PPP1R14A: variants seen among roughly 807,000 people sequenced by gnomAD.
The protein encoded by PPP1R14A is protein phosphatase 1 regulatory subunit 14A.
In PPP1R14A, 9 loss-of-function variants were observed where a neutral mutation model predicts 14.1. The ratio of observed to expected loss-of-function variants is 0.64; its 90% confidence interval spans 0.38 to 1.11. PPP1R14A has a LOEUF of 1.11. Ranked by LOEUF, PPP1R14A falls within the 50% of genes most tolerant of loss-of-function variation. The pLI is 0.01. For missense variants in PPP1R14A, 208 were observed against 200.7 expected (o/e 1.04, Z -0.22); for synonymous variants, 93 against 88.7 (o/e 1.05, Z -0.27).
In PPP1R14A at chr19:38,256,306, TCAGCACGCGCTTGCC is replaced by T. The variant is rs914600163; in HGVS notation, c.19_33del (p.Gly7_Leu11del). ...GCCCGCGATGGAGACTGCAGCTTGC[TCAGCACGCGCTTGCC>T]CAGCCGCTGAGCTGCCATCGCGCTG... On this transcript the variant is annotated inframe_deletion, in exon 1 of 4. Transcript: ENST00000301242. The surrounding 1 kb of genome is among the most constrained non-coding windows in gnomAD (Gnocchi z 5.7). 242 of 1,529,098 alleles carry T rather than the reference TCAGCACGCGCTTGCC, an allele frequency of 1.6e-4. No homozygotes were observed. The highest frequency in any genetic ancestry group is 2.1e-4 in the Non-Finnish European group (240 of 1,144,322). 94.7% of individuals were successfully genotyped at this position (1,529,098 alleles called of 1,614,324 possible). A position where few individuals can be genotyped will look rare whatever the true frequency, so the allele number is the denominator to read the frequency against.
At chr19:38,251,572 G>C in intron 3 of PPP1R14A, 126 bp from the exon 4 acceptor site, 2 of 651,620 alleles carry the variant, frequency 3.1e-6, no homozygotes, top group South Asian at 4.4e-5. Context: ...GGGAGTTAGG[G>C]GCGGAGGCTA....
rs1968203858 is a variant in PPP1R14A at position 38,252,775 on chromosome 19, T to C, written c.282+119A>G. On this transcript the variant is annotated intron_variant, in intron 2 of 3. Transcript: ENST00000301242. The surrounding 1 kb of genome is among the most constrained non-coding windows in gnomAD (Gnocchi z 4.1). ...TGTGAGGGTTAAGTGAGTGAATACATGTAAAGCCATCACACCAGTGCCCGG... is the reference window on the plus strand; with the variant it reads ...TGTGAGGGTTAAGTGAGTGAATACACGTAAAGCCATCACACCAGTGCCCGG... 2.9e-5 allele frequency: 23 copies of C among 792,406 alleles called. 1 individual carries two copies. The South Asian group carries it at 3.4e-4, about 12-fold the overall frequency. 49.1% of individuals were successfully genotyped at this position (792,406 alleles called of 1,614,324 possible). A position where few individuals can be genotyped will look rare whatever the true frequency, so the allele number is the denominator to read the frequency against.
Position 38,254,205 on chromosome 19 carries a change from C to A in PPP1R14A, c.202-1231G>T, listed in dbSNP as rs117235373. Among the ~76,000 whole-genome samples the A allele has an allele frequency of 2.0e-3, 311 of 152,280 alleles. 8 individuals are homozygous for A. The East Asian group carries it at 0.044, about 21-fold the overall frequency. ...ACAGAAGGCCAGGCGCAGTGGCTCA[C>A]GCCTGTAATCCTGACATTTTGGGAG... On this transcript the variant is annotated intron_variant, in intron 1 of 3. Coordinates refer to ENST00000301242, the MANE Select transcript of PPP1R14A (RefSeq NM_033256.3).
At chr19:38,255,914 T>G (rs973508344) in intron 1 of PPP1R14A, among the ~76,000 whole-genome samples, 1 of 151,848 alleles carries the variant, frequency 6.6e-6, no homozygotes, top group Admixed American at 6.6e-5. Flanking sequence ...GACACATCTC[T>G]GGAGACCCAA....
Position 38,256,207 on chromosome 19 carries a change from C to T in PPP1R14A, c.133G>A (p.Glu45Lys). The T allele has an allele frequency of 6.4e-7, 1 of 1,554,338 alleles. No individual in the cohort carries two copies. Among genetic ancestry groups the T allele is most frequent in the East Asian group, 2.4e-5 (1 of 41,832 alleles). Residue 45 changes from glutamate (E) to lysine (K), a missense_variant, in exon 1 of 4, where the codon GAG becomes AAG. Transcript: ENST00000301242. This position sits in a 1 kb window ranked among gnomAD's most constrained non-coding sequence, Gnocchi z 5.7. ...ARVTVKYDRR[E>K]LQRRLDVEKW... is the part of the protein sequence containing the mutation. The stretch of plus-strand genomic sequence containing the variant: ...TCCACGTCCAGCCGCCGCTGCAGCT[C>T]CCGCCGGTCATACTTGACGGTGACG...
chr19:38,254,337 T>G (rs553596998), intron 1 of PPP1R14A, among the ~76,000 whole-genome samples: 1 of 152,190 alleles, frequency 6.6e-6, no homozygotes, highest in African/African-American at 2.4e-5. Flanking sequence ...CAAAGTCTCC[T>G]TCTGTCACCT....
At chr19:38,251,921 G>T in intron 3 of PPP1R14A, 1 of 357,684 alleles carries the variant, frequency 2.8e-6, no homozygotes, top group South Asian at 5.2e-5. Flanking sequence ...GGGTTGGGCC[G>T]CTCAGCTTCA....
intron 1 of PPP1R14A, 41 bp from the exon 2 acceptor site, chr19:38,253,015 T>TC (rs1385793568): frequency 1.3e-6 from 2 of 1,501,108 alleles, no homozygotes; most frequent in Admixed American, 3.3e-5. Context: ...TCCCCTTCCC[T>TC]CCCTCCCTCG....
chr19:38,255,927 CTT>C (rs1568333700), intron 1 of PPP1R14A, among the ~76,000 whole-genome samples: 2 of 151,418 alleles, frequency 1.3e-5, no homozygotes, highest in African/African-American at 4.9e-5. Context: ...AGACCCAAGT[CTT>C]TGTGTGTTGC....
In PPP1R14A at chr19:38,251,316, G is replaced by T; in HGVS notation, c.*2C>A. Reference sequence around the variant, plus strand: ...CCGGGGGGCAGGGAGAGTGCAAGAGGGTCAGGGGTGAGCAGTCCGGGCCCG... The same window carrying T: ...CCGGGGGGCAGGGAGAGTGCAAGAGTGTCAGGGGTGAGCAGTCCGGGCCCG... On this transcript the variant is annotated 3_prime_UTR_variant, in exon 4 of 4. Coordinates refer to ENST00000301242, the MANE Select transcript of PPP1R14A (RefSeq NM_033256.3). 1 of 1,493,892 alleles carries T rather than the reference G, an allele frequency of 6.7e-7. No individual in the cohort carries two copies. Among genetic ancestry groups the T allele is most frequent in the Non-Finnish European group, 8.8e-7 (1 of 1,135,210 alleles). The allele number at this position is 1,493,892 out of a possible 1,614,324, so 92.5% of individuals were successfully genotyped here. A position where few individuals can be genotyped will look rare whatever the true frequency, so the allele number is the denominator to read the frequency against.
At position 38,256,211 on chromosome 19, in the gene PPP1R14A, C is replaced by A. The variant is rs745661668; in HGVS notation, c.129G>T (p.Arg43=). 1.9e-6 allele frequency: 3 copies of A among 1,555,660 alleles called. No homozygotes were observed. Among genetic ancestry groups the A allele is most frequent in the African/African-American group, 2.7e-5 (2 of 73,788 alleles). ...RHARVTVKYD[R]RELQRRLDVE... is the part of the protein sequence containing the mutation. ...CGTCCAGCCGCCGCTGCAGCTCCCG[C>A]CGGTCATACTTGACGGTGACGCGCG... Residue 43 remains arginine (R), a synonymous_variant, in exon 1 of 4, where the codon CGG becomes CGT. Transcript: ENST00000301242. This position sits in a 1 kb window ranked among gnomAD's most constrained non-coding sequence, Gnocchi z 5.7.
In PPP1R14A at chr19:38,256,123, C is replaced by A; in HGVS notation, c.201+16G>T. On this transcript the variant is annotated intron_variant, in intron 1 of 3. Coordinates refer to ENST00000301242, the MANE Select transcript of PPP1R14A (RefSeq NM_033256.3). The surrounding 1 kb of genome is among the most constrained non-coding windows in gnomAD (Gnocchi z 5.7). ...CTATCTGTCCCCGACCACCCCCGAG[C>A]CCTCCCCGGGCTCACCATGCCGCGG... The A allele has an allele frequency of 6.5e-7, 1 of 1,535,372 alleles. No individual in the cohort carries two copies. The highest frequency in any genetic ancestry group is 8.7e-7 in the Non-Finnish European group (1 of 1,145,934).
In PPP1R14A at chr19:38,256,353, C is replaced by A; in HGVS notation, c.-14G>T. The A allele has an allele frequency of 7.0e-7, 1 of 1,436,002 alleles. No individual in the cohort carries two copies. The highest frequency in any genetic ancestry group is 1.5e-5 in the South Asian group (1 of 68,718). 89.0% of individuals were successfully genotyped at this position (1,436,002 alleles called of 1,614,324 possible). A position where few individuals can be genotyped will look rare whatever the true frequency, so the allele number is the denominator to read the frequency against. ...CTGAGCTGCCATCGCGCTGCTGGAC[C>A]CAGCCTGGCCCCGCGCTGTGCGCCT... On this transcript the variant is annotated 5_prime_UTR_variant, in exon 1 of 4. Coordinates refer to ENST00000301242, the MANE Select transcript of PPP1R14A (RefSeq NM_033256.3). This position sits in a 1 kb window ranked among gnomAD's most constrained non-coding sequence, Gnocchi z 5.7.
At chr19:38,251,920 C>T (rs912266324) in intron 3 of PPP1R14A, 4 of 356,398 alleles carry the variant, frequency 1.1e-5, no homozygotes, top group Non-Finnish European at 2.0e-5. Context: ...GGGGTTGGGC[C>T]GCTCAGCTTC....
At chr19:38,254,368 G>A (rs1209175428) in intron 1 of PPP1R14A, among the ~76,000 whole-genome samples, 2 of 151,068 alleles carry the variant, frequency 1.3e-5, no homozygotes, top group African/African-American at 2.4e-5. Context: ...ACAATGGCGC[G>A]ATCTTGGCTC....
At chr19:38,255,806 A>AC (rs1302960433) in intron 1 of PPP1R14A, among the ~76,000 whole-genome samples, 1 of 148,856 alleles carries the variant, frequency 6.7e-6, no homozygotes, top group Non-Finnish European at 1.5e-5. Context: ...GCTTTATGAC[A>AC]CCCCCCTTCC....
In PPP1R14A at chr19:38,252,385, C is replaced by A; in HGVS notation, c.283-47G>T. 1 of 1,584,164 alleles carries A rather than the reference C, an allele frequency of 6.3e-7. No homozygotes were observed. Among genetic ancestry groups the A allele is most frequent in the Non-Finnish European group, 8.6e-7 (1 of 1,157,376 alleles). ...AAAACAAAACAGTAAATGACTAACA[C>A]CTACTCCCCTCCAGCCCCTTCCCTT... On this transcript the variant is annotated intron_variant, in intron 2 of 3. Coordinates refer to ENST00000301242, the MANE Select transcript of PPP1R14A (RefSeq NM_033256.3). This position sits in a 1 kb window ranked among gnomAD's most constrained non-coding sequence, Gnocchi z 4.1.
chr19:38,256,120 G>A lies in PPP1R14A; in HGVS notation c.201+19C>T, dbSNP rs1195859785. 5 of 1,532,960 alleles carry A rather than the reference G, an allele frequency of 3.3e-6. No individual in the cohort carries two copies. The highest frequency in any genetic ancestry group is 2.0e-5 in the Admixed American group (1 of 50,762). 95.0% of individuals were successfully genotyped at this position (1,532,960 alleles called of 1,614,324 possible). Reference sequence around the variant, plus strand: ...GCTCTATCTGTCCCCGACCACCCCCGAGCCCTCCCCGGGCTCACCATGCCG... The same window carrying A: ...GCTCTATCTGTCCCCGACCACCCCCAAGCCCTCCCCGGGCTCACCATGCCG... On this transcript the variant is annotated intron_variant, in intron 1 of 3. Coordinates refer to ENST00000301242, the MANE Select transcript of PPP1R14A (RefSeq NM_033256.3). The surrounding 1 kb of genome is among the most constrained non-coding windows in gnomAD (Gnocchi z 5.7).
In PPP1R14A at chr19:38,251,292, CG is replaced by C; in HGVS notation, c.*25del. 7.0e-6 allele frequency: 10 copies of C among 1,435,198 alleles called. No individual in the cohort carries two copies. Among genetic ancestry groups the C allele is most frequent in the Non-Finnish European group, 3.6e-6 (4 of 1,102,006 alleles). 88.9% of individuals were successfully genotyped at this position (1,435,198 alleles called of 1,614,324 possible). A position where few individuals can be genotyped will look rare whatever the true frequency, so the allele number is the denominator to read the frequency against. ...ATACACAAGCAAGCTGGGCGGCGTC[CG>C]GGGGGCAGGGAGAGTGCAAGAGGGT... On this transcript the variant is annotated 3_prime_UTR_variant, in exon 4 of 4. Transcript: ENST00000301242.
Sources: gnomAD v4.1 joint callset for allele counts (sites outside exome capture counted in the v4.1 genomes callset) on GRCh38, gnomAD v4.1.1 for gene constraint, Gnocchi (gnomAD v3.1) non-coding constraint, MANE v1.5 for transcripts, NCBI Gene and HGNC (gene_info 2026-07-23, HGNC 2026-07-21) for gene names.